Variants in HDAC4 observed in about 807,000 individuals in gnomAD.
HDAC4 encodes histone deacetylase A.
In HDAC4, 16 loss-of-function variants were observed where a neutral mutation model predicts 135.1. The ratio of observed to expected loss-of-function variants is 0.12; its 90% confidence interval spans 0.08 to 0.18. The LOEUF is 0.18. Ranked by LOEUF, HDAC4 falls within the 10% of genes least tolerant of loss-of-function variation. The pLI, the probability that HDAC4 is intolerant of heterozygous loss-of-function variation, is 1.00. For synonymous variants in HDAC4, 685 were observed against 653.4 expected (o/e 1.05, Z -0.74); for missense variants, 1,143 against 1,511.8 (o/e 0.76, Z 4.05).
rs1000093509 is a variant in HDAC4, at chr2:239,299,191, T to C, written c.22+53487A>G. On this transcript the variant is annotated intron_variant, in intron 2 of 26. Coordinates refer to ENST00000543185, the MANE Select transcript of HDAC4 (RefSeq NM_001378414.1). The surrounding 1 kb of genome is among the most constrained non-coding windows in gnomAD (Gnocchi z 4.0). Reference sequence around the variant, plus strand: ...GTCATAGCCTACCTTATTCCAAATATCCAAAACCTGGAACTGGGGGCAGCC... The same window carrying C: ...GTCATAGCCTACCTTATTCCAAATACCCAAAACCTGGAACTGGGGGCAGCC... Among the ~76,000 whole-genome samples the C allele has an allele frequency of 3.9e-5, 6 of 152,084 alleles. No individual in the cohort carries two copies. Among genetic ancestry groups the C allele is most frequent in the African/African-American group, 9.7e-5 (4 of 41,410 alleles).
In HDAC4 at chr2:239,061,310, G is replaced by C. The variant is rs572955323; in HGVS notation, c.3003+5412C>G. 4.0e-5 allele frequency among the ~76,000 whole-genome samples: 6 copies of C among 151,868 alleles called. No homozygotes were observed. The South Asian group carries it at 6.3e-4, about 16-fold the overall frequency. Reference sequence around the variant, plus strand: ...GCTTCTGTGGGTGTGCAGATGTGTGGTGTGTGCATGCACAAGAGGGCATAC... The same window carrying C: ...GCTTCTGTGGGTGTGCAGATGTGTGCTGTGTGCATGCACAAGAGGGCATAC... On this transcript the variant is annotated intron_variant, in intron 24 of 26. Coordinates refer to ENST00000543185, the MANE Select transcript of HDAC4 (RefSeq NM_001378414.1).
At chr2:239,252,709 G>T (rs933180614) in intron 2 of HDAC4, among the ~76,000 whole-genome samples, 1 of 152,108 alleles carries the variant, frequency 6.6e-6, no homozygotes, top group African/African-American at 2.4e-5. Flanking sequence ...GCAGTCAATA[G>T]GTTAAAATGT....
intron 2 of HDAC4, among the ~76,000 whole-genome samples, chr2:239,280,346 A>G (rs778488078): frequency 3.3e-5 from 5 of 152,220 alleles, no homozygotes. Context: ...CCCAAACTCC[A>G]CTTCACGTTA....
Position 239,162,010 on chromosome 2 carries a change from C to A in HDAC4, c.611+1793G>T, listed in dbSNP as rs1324119035. The A allele has an allele frequency of 1.2e-5, 5 of 416,934 alleles. No individual in the cohort carries two copies. The East Asian group carries it at 2.1e-4, about 18-fold the overall frequency. The allele number at this position is 416,934 out of a possible 1,614,324, so 25.8% of individuals were successfully genotyped here. On this transcript the variant is annotated intron_variant, in intron 6 of 26. Transcript: ENST00000543185. ...TCTATTCCTGCTGGCCTCGGCCCCC[C>A]GTCCACTGTCCACTGACTCCTGGGC...
intron 2 of HDAC4, among the ~76,000 whole-genome samples, chr2:239,302,218 C>T (rs2052308935): frequency 6.6e-6 from 1 of 152,082 alleles, no homozygotes; most frequent in African/African-American, 2.4e-5. Flanking sequence ...GAACATGGCC[C>T]CTTGTGATGG....
intron 5 of HDAC4, among the ~76,000 whole-genome samples, chr2:239,175,160 G>A (rs775326147): frequency 1.1e-4 from 17 of 152,196 alleles, no homozygotes; most frequent in Non-Finnish European, 1.8e-4. Context: ...GCAGAAACTC[G>A]GAGTGTCTAT....
At chr2:239,286,487 C>G (rs75092925) in intron 2 of HDAC4, among the ~76,000 whole-genome samples, 5,511 of 152,104 alleles carry the variant, frequency 0.036, 126 homozygotes, top group East Asian at 0.083. Flanking sequence ...TAAGAGCCAC[C>G]TGAGGAGGTG....
At chr2:239,233,833 G>A (rs1463351855) in intron 3 of HDAC4, among the ~76,000 whole-genome samples, 2 of 152,202 alleles carry the variant, frequency 1.3e-5, no homozygotes, top group African/African-American at 2.4e-5. Context: ...GACTGCTGGA[G>A]TCATTCCTGA....
chr2:239,106,901 T>A (rs1199887091), intron 15 of HDAC4, among the ~76,000 whole-genome samples: 1 of 152,144 alleles, frequency 6.6e-6, no homozygotes, highest in Non-Finnish European at 1.5e-5. Context: ...TGGGTGTGGA[T>A]GTTCCTGTCC....
In HDAC4 at chr2:239,230,416, C is replaced by A. The variant is rs562386844; in HGVS notation, c.94+6177G>T. 5.6e-5 allele frequency among the ~76,000 whole-genome samples: 8 copies of A among 143,470 alleles called. No individual in the cohort carries two copies. In the East Asian group the frequency reaches 1.5e-3, roughly 27 times the overall value. 94.1% of individuals were successfully genotyped at this position (143,470 alleles called of 152,430 possible). A position where few individuals can be genotyped will look rare whatever the true frequency, so the allele number is the denominator to read the frequency against. ...GCAAAGCAGGTGACATGTTCCGTGG[C>A]GGACATGACCGTCCTGGCCAATCCT... On this transcript the variant is annotated intron_variant, in intron 3 of 26. Transcript: ENST00000543185.
chr2:239,374,612 C>T (rs1694874056), intron 1 of HDAC4, among the ~76,000 whole-genome samples: 1 of 151,086 alleles, frequency 6.6e-6, no homozygotes, highest in Non-Finnish European at 1.5e-5. Flanking sequence ...ACCGTTTTAG[C>T]CAGGATGGTC....
At chr2:239,242,787 G>A (rs1460797864) in intron 2 of HDAC4, among the ~76,000 whole-genome samples, 1 of 152,198 alleles carries the variant, frequency 6.6e-6, no homozygotes, top group Non-Finnish European at 1.5e-5. Context: ...GTAACTATCA[G>A]ATTAAGGAAG....
intron 4 of HDAC4, among the ~76,000 whole-genome samples, chr2:239,177,202 T>C (rs2043829382): frequency 2.6e-5 from 4 of 152,090 alleles, no homozygotes; most frequent in Admixed American, 2.6e-4. Flanking sequence ...AAACAGCAGG[T>C]GTTGGCAGAG....
At chr2:239,110,843 G>A (rs898051727) in intron 14 of HDAC4, among the ~76,000 whole-genome samples, 2 of 152,208 alleles carry the variant, frequency 1.3e-5, no homozygotes, top group Admixed American at 1.3e-4. Flanking sequence ...GTGGCGGGGC[G>A]GCCCAGGACA....
At chr2:239,398,961 G>A (rs1011967113) in intron 1 of HDAC4, among the ~76,000 whole-genome samples, 6 of 152,242 alleles carry the variant, frequency 3.9e-5, no homozygotes, top group African/African-American at 1.4e-4. Context: ...TCTTTAGGAT[G>A]GGATTTGATC....
chr2:239,300,762 T>A (rs1242742223), intron 2 of HDAC4, among the ~76,000 whole-genome samples: 1 of 152,202 alleles, frequency 6.6e-6, no homozygotes, highest in East Asian at 1.9e-4. Context: ...TCTTACAGAA[T>A]TTTTCCGACT....
At chr2:239,095,749 T>C (rs905451878) in intron 16 of HDAC4, among the ~76,000 whole-genome samples, 1 of 152,152 alleles carries the variant, frequency 6.6e-6, no homozygotes, top group African/African-American at 2.4e-5. Flanking sequence ...GGGTGCTGTC[T>C]TTTTCCTGTT....
At chr2:239,053,665 G>C in intron 25 of HDAC4, 64 bp from the exon 26 acceptor site, 1 of 1,471,502 alleles carries the variant, frequency 6.8e-7, no homozygotes, top group Non-Finnish European at 9.4e-7. Context: ...ACTGAGGCCC[G>C]GGAAGGTCCT....
chr2:239,257,293 G>C (rs2049105633), intron 2 of HDAC4, among the ~76,000 whole-genome samples: 3 of 151,198 alleles, frequency 2.0e-5, no homozygotes. Flanking sequence ...CCTTAGCAGA[G>C]AGAAAAATCA....
Sources: gnomAD v4.1 joint callset for allele counts (sites outside exome capture counted in the v4.1 genomes callset) on GRCh38, gnomAD v4.1.1 for gene constraint, Gnocchi (gnomAD v3.1) non-coding constraint, MANE v1.5 for transcripts, NCBI Gene and HGNC (gene_info 2026-07-23, HGNC 2026-07-21) for gene names.